Variants in ALPK1 observed in about 807,000 individuals in gnomAD.
The protein encoded by ALPK1 is alpha-protein kinase 1.
ALPK1 carries 110 observed loss-of-function variants against 120.6 expected under a neutral mutation model. The ratio of observed to expected loss-of-function variants is 0.91; its 90% CI spans 0.78 to 1.07. The LOEUF is 1.07. Among genes scored for constraint, ALPK1 ranks in the 50% least tolerant of loss-of-function variants. The pLI, the probability that ALPK1 is intolerant of heterozygous loss-of-function variation, is 0.00. For synonymous variants in ALPK1, 582 were observed against 560.3 expected (o/e 1.04, Z -0.55); for missense variants, 1,498 against 1,483.9 (o/e 1.01, Z -0.16).
intron 2 of ALPK1, among the ~76,000 whole-genome samples, chr4:112,344,537 T>C (rs1425296202): frequency 6.6e-6 from 1 of 152,218 alleles, no homozygotes; most frequent in Non-Finnish European, 1.5e-5. Flanking sequence ...AATTATCTTA[T>C]TGGAAGTCTA....
At chr4:112,393,879 T>C (rs942956372) in intron 4 of ALPK1, among the ~76,000 whole-genome samples, 5 of 152,242 alleles carry the variant, frequency 3.3e-5, no homozygotes, top group Non-Finnish European at 5.9e-5. Context: ...TCTTCTGTTA[T>C]ATTTTTTAGA....
At chr4:112,363,629 A>G (rs1192313678) in intron 2 of ALPK1, among the ~76,000 whole-genome samples, 4 of 152,208 alleles carry the variant, frequency 2.6e-5, no homozygotes, top group African/African-American at 9.6e-5. Flanking sequence ...TACTCCACCG[A>G]CAGCACTAGA....
chr4:112,395,624 ATACTT>A (rs1360152279), intron 4 of ALPK1, among the ~76,000 whole-genome samples: 8 of 152,252 alleles, frequency 5.3e-5, no homozygotes, highest in African/African-American at 1.4e-4. Context: ...GATTAAATGA[ATACTT>A]TAAAGTTTGA....
chr4:112,298,198 G>A (rs1047257883), intron 1 of ALPK1, among the ~76,000 whole-genome samples: 1 of 152,066 alleles, frequency 6.6e-6, no homozygotes. Context: ...GGCAGGATCA[G>A]GAAGGAGAGG....
rs568944215 is a variant in ALPK1 at position 112,371,998 on chromosome 4, A to C, written c.-100-5680A>C. Among the ~76,000 whole-genome samples, 3 of 152,352 alleles carry C rather than the reference A, an allele frequency of 2.0e-5. No individual in the cohort carries two copies. The South Asian group carries it at 6.2e-4, about 32-fold the overall frequency. On this transcript the variant is annotated intron_variant, in intron 2 of 15. Coordinates refer to ENST00000650871, the MANE Select transcript of ALPK1 (RefSeq NM_025144.4). ...AATACAGATGAGAAAAGTCAATCTC[A>C]AAAGTGAATCTCAGAAGTCTTACAA...
intron 4 of ALPK1, among the ~76,000 whole-genome samples, chr4:112,393,606 AAAG>A (rs1020793538): frequency 3.3e-5 from 5 of 152,228 alleles, no homozygotes; most frequent in Admixed American, 2.6e-4. Flanking sequence ...AGAGAGAGAG[AAAG>A]AAGAAGGATT....
chr4:112,300,746 C>A (rs550195722), intron 1 of ALPK1, among the ~76,000 whole-genome samples: 1 of 150,810 alleles, frequency 6.6e-6, no homozygotes, highest in Admixed American at 6.6e-5. Context: ...TTTGGCCTGA[C>A]CTGTGTGCAA....
intron 14 of ALPK1, among the ~76,000 whole-genome samples, chr4:112,440,640 C>G (rs1734994664): frequency 6.6e-6 from 1 of 152,044 alleles, no homozygotes; most frequent in African/African-American, 2.4e-5. Flanking sequence ...TATTTTATTG[C>G]TTTCTAATAC....
chr4:112,437,455 A>T (rs1332871027), intron 12 of ALPK1, among the ~76,000 whole-genome samples: 1 of 152,214 alleles, frequency 6.6e-6, no homozygotes, highest in Non-Finnish European at 1.5e-5. Flanking sequence ...TTCTGGCAGA[A>T]TGTTCAGGAA....
At chr4:112,423,399 G>T (rs757503202) in intron 5 of ALPK1, among the ~76,000 whole-genome samples, 1 of 152,184 alleles carries the variant, frequency 6.6e-6, no homozygotes, top group Non-Finnish European at 1.5e-5. Context: ...ATCATGTAGG[G>T]CTTAGAGGAA....
At chr4:112,345,503 T>C (rs1329000578) in intron 2 of ALPK1, among the ~76,000 whole-genome samples, 1 of 152,184 alleles carries the variant, frequency 6.6e-6, no homozygotes, top group African/African-American at 2.4e-5. Flanking sequence ...GTAGTGGTCA[T>C]ATTAGGGAGG....
chr4:112,321,093 T>G (rs980292346), intron 2 of ALPK1, among the ~76,000 whole-genome samples: 2 of 151,918 alleles, frequency 1.3e-5, no homozygotes, highest in African/African-American at 4.8e-5. Context: ...GAAATGGGGT[T>G]TCACCGTGTT....
At chr4:112,403,351 G>A (rs184175746) in intron 4 of ALPK1, among the ~76,000 whole-genome samples, 2 of 152,288 alleles carry the variant, frequency 1.3e-5, no homozygotes, top group East Asian at 1.9e-4. Flanking sequence ...ACGACAGAGC[G>A]GCTGCAAGAA....
At chr4:112,325,452 G>A (rs539990568) in intron 2 of ALPK1, among the ~76,000 whole-genome samples, 5 of 152,334 alleles carry the variant, frequency 3.3e-5, no homozygotes, top group African/African-American at 9.6e-5. Context: ...CAGGAATTAA[G>A]CTGAAATATT....
chr4:112,430,437 A>AT lies in ALPK1; in HGVS notation c.901-6dup. The AT allele has an allele frequency of 6.4e-7, 1 of 1,555,756 alleles. No individual in the cohort carries two copies. Among genetic ancestry groups the AT allele is most frequent in the Non-Finnish European group, 8.7e-7 (1 of 1,149,262 alleles). ...TTCAATATCTGATTTGGTATTTGGT[A>AT]TTTTTCCCAGAATATCCGTGGCACG... On this transcript the variant is annotated splice_polypyrimidine_tract_variant and intron_variant, in intron 10 of 15. Transcript: ENST00000650871.
intron 1 of ALPK1, among the ~76,000 whole-genome samples, chr4:112,315,223 G>T (rs189759315): frequency 1.3e-5 from 2 of 152,146 alleles, no homozygotes; most frequent in East Asian, 3.9e-4. Flanking sequence ...AATTATTATT[G>T]CAAACTTCTT....
intron 2 of ALPK1, among the ~76,000 whole-genome samples, chr4:112,367,825 C>CT (rs1427654923): frequency 6.6e-6 from 1 of 152,060 alleles, no homozygotes; most frequent in African/African-American, 2.4e-5. Context: ...ATTTCTCTGC[C>CT]TTTTTTCTGT....
chr4:112,340,348 A>T (rs1729804056), intron 2 of ALPK1, among the ~76,000 whole-genome samples: 1 of 152,256 alleles, frequency 6.6e-6, no homozygotes, highest in Non-Finnish European at 1.5e-5. Flanking sequence ...TGGGAAACCA[A>T]ACTTTATTAC....
chr4:112,423,241 T>C (rs1734076656), intron 5 of ALPK1, among the ~76,000 whole-genome samples: 1 of 152,166 alleles, frequency 6.6e-6, no homozygotes, highest in African/African-American at 2.4e-5. Context: ...CGTTACACAC[T>C]GAAATAATTG....
Sources: gnomAD v4.1 joint callset for allele counts (sites outside exome capture counted in the v4.1 genomes callset) on GRCh38, gnomAD v4.1.1 for gene constraint, MANE v1.5 for transcripts, NCBI Gene and HGNC (gene_info 2026-07-23, HGNC 2026-07-21) for gene names.